The following SYNE2 variants were observed in gnomAD, a reference collection of about 807,000 sequenced individuals.
SYNE2 encodes spectrin repeat containing nuclear envelope protein 2.
SYNE2 carries 431 observed loss-of-function variants against 856.3 expected under a neutral mutation model. That is an observed-to-expected ratio of 0.50 (90% CI 0.47 to 0.55). The LOEUF (loss-of-function observed/expected upper bound fraction) is 0.55. Among genes scored for constraint, SYNE2 ranks in the 20% least tolerant of loss-of-function variants. The pLI is 0.00. For missense variants in SYNE2, 8,129 were observed against 8,023.2 expected, an observed-to-expected ratio of 1.01 and a Z score of -0.50; for synonymous variants, 2,923 against 2,872.3, an observed-to-expected ratio of 1.02 and a Z score of -0.56.
intron 2 of SYNE2, among the ~76,000 whole-genome samples, chr14:63,930,341 T>C (rs2095733523): frequency 6.6e-6 from 1 of 151,888 alleles, no homozygotes; most frequent in South Asian, 2.1e-4. Flanking sequence ...TTATACACTT[T>C]AAAAAGTGAA....
rs765250294 is a variant in SYNE2, at chr14:63,981,160, A to G, written c.1823A>G (p.Glu608Gly). 3 of 1,613,386 alleles carry G rather than the reference A, an allele frequency of 1.9e-6. No individual in the cohort carries two copies. The highest frequency in any genetic ancestry group is 2.5e-6 in the Non-Finnish European group (3 of 1,179,448). Residue 608 changes from glutamate (E) to glycine (G), a missense_variant, in exon 16 of 116, where the codon GAA (glutamate) becomes GGA (glycine). By Grantham distance (98) the Glu-to-Gly change is moderately conservative (BLOSUM62 -2). Coordinates refer to ENST00000555002, the MANE Select transcript of SYNE2 (RefSeq NM_182914.3). The stretch of plus-strand genomic sequence containing the variant: ...GCTTGCTTTGAGGAGACAAAGAAGG[A>G]AGAAATTAAAGAGGTATTTGCAGTC... ...LRACFEETKK[E>G]EIKEVPFETL...
At chr14:64,205,160 C>G (rs777835308) in intron 100 of SYNE2, among the ~76,000 whole-genome samples, 1 of 151,978 alleles carries the variant, frequency 6.6e-6, no homozygotes, top group African/African-American at 2.4e-5. Flanking sequence ...TCTCCTTTGC[C>G]GTGTAATCTA....
At chr14:63,897,272 A>G (rs1040556851) in intron 1 of SYNE2, among the ~76,000 whole-genome samples, 2 of 152,110 alleles carry the variant, frequency 1.3e-5, no homozygotes, top group African/African-American at 4.8e-5. Context: ...AAATAAATAA[A>G]TAAATAAATT....
In SYNE2 at chr14:63,986,484, A is replaced by T. The variant is rs150443013; in HGVS notation, c.2180A>T (p.Glu727Val). ...KAGEKHEKEN[E>V]EFTGQLKVAK... is the part of the protein sequence containing the mutation. ...GGAGAGAAACATGAAAAAGAAAATG[A>T]AGAATTCACAGGGCAACTAAAAGTG... The change falls in exon 19 of 116, where the codon GAA becomes GTA. Residue 727 changes from glutamate (E) to valine (V), a missense_variant. Physicochemically the swap from Glu to Val is moderately radical, Grantham distance 121. Around this residue, in one of 3 missense-constraint regions of SYNE2, gnomAD observed 2,422 missense variants for 2,357.4 expected, o/e 1.03. Transcript: ENST00000555002. The T allele has an allele frequency of 6.2e-7, 1 of 1,614,046 alleles. No homozygotes were observed. The highest frequency in any genetic ancestry group is 1.3e-5 in the African/African-American group (1 of 74,940).
chr14:64,010,785 C>T (rs1166786898), intron 32 of SYNE2, among the ~76,000 whole-genome samples: 3 of 152,200 alleles, frequency 2.0e-5, no homozygotes, highest in African/African-American at 2.4e-5. Flanking sequence ...AATACAGGTG[C>T]GCAACAACAC....
chr14:64,006,829 G>T (rs2096799923), intron 30 of SYNE2, among the ~76,000 whole-genome samples: 1 of 151,868 alleles, frequency 6.6e-6, no homozygotes, highest in South Asian at 2.1e-4. Flanking sequence ...CCTGTTTCCA[G>T]CAAAACAAAA....
intron 32 of SYNE2, among the ~76,000 whole-genome samples, chr14:64,013,378 C>T (rs1030556524): frequency 6.9e-5 from 10 of 144,824 alleles, no homozygotes; most frequent in African/African-American, 1.8e-4. Context: ...TTCTTATATG[C>T]GTATATTGTG....
intron 7 of SYNE2, among the ~76,000 whole-genome samples, chr14:63,951,300 A>ACTTTT (rs1311701745): frequency 1.3e-5 from 2 of 151,976 alleles, no homozygotes; most frequent in Middle Eastern, 3.4e-3. Flanking sequence ...TTTCAGCCTT[A>ACTTTT]CTTTTCTTTT....
At chr14:63,857,248 C>T (rs1465202741) in intron 1 of SYNE2, among the ~76,000 whole-genome samples, 2 of 152,138 alleles carry the variant, frequency 1.3e-5, no homozygotes, top group East Asian at 3.8e-4. Flanking sequence ...AAGTTCTCTT[C>T]TTTGCCTGGC....
At chr14:64,099,274 A>G (rs542187740) in intron 63 of SYNE2, 1 of 171,738 alleles carries the variant, frequency 5.8e-6, no homozygotes, top group East Asian at 1.7e-4. Flanking sequence ...GTTGAATGAG[A>G]CATTTTCAGT....
At chr14:63,874,346 C>A (rs1004524227) in intron 1 of SYNE2, among the ~76,000 whole-genome samples, 17 of 152,126 alleles carry the variant, frequency 1.1e-4, no homozygotes, top group African/African-American at 3.9e-4. Context: ...TCCTACTGAA[C>A]GCTGTGGCTC....
At chr14:64,139,118 G>C (rs1224377113) in intron 79 of SYNE2, among the ~76,000 whole-genome samples, 2 of 151,858 alleles carry the variant, frequency 1.3e-5, no homozygotes, top group Admixed American at 1.3e-4. Flanking sequence ...CAAGTACCTG[G>C]AACCACAGCA....
At chr14:64,210,478 G>A (rs376409810) in intron 103 of SYNE2, among the ~76,000 whole-genome samples, 26 of 152,274 alleles carry the variant, frequency 1.7e-4, no homozygotes, top group East Asian at 9.7e-4. Flanking sequence ...AAGGAGCCCC[G>A]CTTTGCCCAT....
chr14:63,868,165 T>G (rs1333357073), intron 1 of SYNE2, among the ~76,000 whole-genome samples: 1 of 152,236 alleles, frequency 6.6e-6, no homozygotes, highest in African/African-American at 2.4e-5. Flanking sequence ...ACAAGGTCTT[T>G]AAATTATAAC....
chr14:63,966,305 G>A (rs767844618), intron 10 of SYNE2, among the ~76,000 whole-genome samples: 18 of 151,750 alleles, frequency 1.2e-4, no homozygotes, highest in Admixed American at 1.2e-3. Context: ...ATTTGAACCC[G>A]GGAGCTCAAA....
intron 78 of SYNE2, among the ~76,000 whole-genome samples, chr14:64,137,005 C>A (rs374503551): frequency 8.1e-4 from 124 of 152,282 alleles, no homozygotes; most frequent in African/African-American, 2.9e-3. Context: ...TGCAGACCAA[C>A]AATTGCTAGG....
At chr14:63,870,616 C>T (rs1051964619) in intron 1 of SYNE2, among the ~76,000 whole-genome samples, 10 of 139,102 alleles carry the variant, frequency 7.2e-5, no homozygotes, top group Non-Finnish European at 1.4e-4. Context: ...AATATAAGTA[C>T]GTGGGATTTT....
chr14:63,770,222 C>T lies in SYNE2; in HGVS notation c.-305+8236C>T, dbSNP rs150950411. ...AAACAAAATTAAAATAATGAAATACCGGGGGAAAGATGTGACATACTGCAA... is the reference window on the plus strand; with the variant it reads ...AAACAAAATTAAAATAATGAAATACTGGGGGAAAGATGTGACATACTGCAA... On this transcript the variant is annotated intron_variant, in intron 1 of 23. Coordinates refer to the SYNE2 transcript ENST00000674003. Among the ~76,000 whole-genome samples, 530 of 151,840 alleles carry T rather than the reference C, an allele frequency of 3.5e-3. 5 individuals are homozygous for T. Among genetic ancestry groups the T allele is most frequent in the African/African-American group, 0.012 (498 of 41,410 alleles).
At chr14:63,766,897 C>T (rs970588146) in intron 1 of SYNE2, among the ~76,000 whole-genome samples, 1 of 151,898 alleles carries the variant, frequency 6.6e-6, no homozygotes, top group African/African-American at 2.4e-5. Context: ...ACAGAGGAGA[C>T]AGGGATGAGT....
Sources: allele counts gnomAD v4.1 joint callset (sites outside exome capture counted in the v4.1 genomes callset), GRCh38; gene constraint gnomAD v4.1.1; regional missense constraint gnomAD v4.1.1; transcripts MANE v1.5; gene names NCBI Gene and HGNC (gene_info 2026-07-23, HGNC 2026-07-21).